The following CRYBG1 variants were observed in gnomAD, a reference collection of about 807,000 sequenced individuals.
CRYBG1 encodes crystallin beta-gamma domain containing 1.
Under a neutral mutation model 189.2 loss-of-function variants are expected in CRYBG1, and 139 were observed. The observed-to-expected ratio is 0.73, with a 90% CI of 0.64 to 0.85. CRYBG1 has a LOEUF of 0.85. CRYBG1 is among the 40% of genes least tolerant of loss of function. CRYBG1 has a pLI of 0.00. For missense variants in CRYBG1, 2,611 were observed against 2,675.8 expected (o/e 0.98, Z 0.53); for synonymous variants, 1,023 against 1,017.1 (o/e 1.01, Z -0.11).
In CRYBG1 at chr6:106,512,488, C is replaced by T. The variant is rs1486751757; in HGVS notation, c.1371C>T (p.Ala457=). ...VFDDEVAPNA[A]SDNASAEKKV... ...ACGACGAGGTGGCGCCAAACGCGGC[C>T]AGCGATAACGCCTCGGCGGAAAAGA... Residue 457 remains alanine (A), a synonymous_variant, in exon 3 of 22, where the codon GCC becomes GCT. Coordinates refer to ENST00000633556, the MANE Select transcript of CRYBG1 (RefSeq NM_001371242.2). The T allele has an allele frequency of 5.0e-6, 8 of 1,611,452 alleles. No homozygotes were observed. The Admixed American group carries it at 1.3e-4, about 27-fold the overall frequency.
chr6:106,455,981 T>G (rs1313406998), intron 2 of CRYBG1, among the ~76,000 whole-genome samples: 2 of 152,062 alleles, frequency 1.3e-5, no homozygotes, highest in Non-Finnish European at 2.9e-5. Flanking sequence ...AAGTCACTTG[T>G]CTGAATCTTA....
At chr6:106,406,684 A>T (rs765105118) in intron 1 of CRYBG1, among the ~76,000 whole-genome samples, 2 of 152,242 alleles carry the variant, frequency 1.3e-5, no homozygotes, top group African/African-American at 4.8e-5. Flanking sequence ...CTAACAGTGG[A>T]TCTCTCTGCA....
rs113042181 is a variant in CRYBG1, at chr6:106,488,277, C to T, written c.313-23153C>T. On this transcript the variant is annotated intron_variant, in intron 2 of 21. Transcript: ENST00000633556. ...CTATCTGTCAGGTCTGGGTCAGATG[C>T]GTATAGGTTAGGCAGCTGAGTGGGC... is the stretch of plus-strand genomic sequence containing the variant. 2.8e-3 allele frequency among the ~76,000 whole-genome samples: 429 copies of T among 152,224 alleles called. 2 individuals are homozygous for T. Among genetic ancestry groups the T allele is most frequent in the African/African-American group, 9.3e-3 (385 of 41,526 alleles).
At chr6:106,518,771 G>T (rs973766155) in intron 3 of CRYBG1, among the ~76,000 whole-genome samples, 2 of 152,072 alleles carry the variant, frequency 1.3e-5, no homozygotes, top group Non-Finnish European at 2.9e-5. Flanking sequence ...CAGCCTGGGT[G>T]ACATAGACCC....
intron 15 of CRYBG1, 52 bp downstream of exon 15, chr6:106,552,268 A>G (rs767304775): frequency 8.0e-7 from 1 of 1,254,492 alleles, no homozygotes; most frequent in Non-Finnish European, 1.1e-6. Context: ...CTTCCATTGA[A>G]AAGCTGAACT....
At chr6:106,510,649 C>G (rs1187999590) in intron 2 of CRYBG1, among the ~76,000 whole-genome samples, 2 of 152,340 alleles carry the variant, frequency 1.3e-5, no homozygotes, top group Non-Finnish European at 2.9e-5. Flanking sequence ...TTCAGCCACA[C>G]CTCCTCGGCT....
intron 1 of CRYBG1, among the ~76,000 whole-genome samples, chr6:106,424,160 A>T (rs1771182762): frequency 6.6e-6 from 1 of 152,192 alleles, no homozygotes; most frequent in Non-Finnish European, 1.5e-5. Flanking sequence ...TATACATAAT[A>T]ATTGGTTTAT....
chr6:106,556,824 A>T (rs1774560449), intron 17 of CRYBG1, among the ~76,000 whole-genome samples: 1 of 152,222 alleles, frequency 6.6e-6, no homozygotes, highest in Non-Finnish European at 1.5e-5. Context: ...TGCTACTGAG[A>T]CATGAAAATA....
intron 2 of CRYBG1, among the ~76,000 whole-genome samples, chr6:106,483,391 G>GTATATATATATATATATAT (rs1772513172): frequency 9.9e-6 from 1 of 100,970 alleles, no homozygotes; most frequent in Admixed American, 1.1e-4. Context: ...TATATATATA[G>GTATATATATATATATATAT]ATATATATAT....
chr6:106,544,693 T>G lies in CRYBG1; in HGVS notation c.5162T>G (p.Leu1721Ter). The change falls in exon 12 of 22, where the codon TTA (leucine) becomes TGA (stop). Residue 1721 changes from leucine (L) to a stop codon, truncating the protein, a stop_gained. Coordinates refer to ENST00000633556, the MANE Select transcript of CRYBG1 (RefSeq NM_001371242.2). LOFTEE classifies it high-confidence loss of function. ...GAGCTTCAGTCTTTACGACCTATAT[T>G]AGGTGTAAGTAAAGGACAAGCTAAT... The part of the protein sequence containing the change: ...NGELQSLRPI[L>*]GDFSNAHMIM... The G allele has an allele frequency of 6.2e-7, 1 of 1,613,438 alleles. No individual in the cohort carries two copies. The highest frequency in any genetic ancestry group is 8.5e-7 in the Non-Finnish European group (1 of 1,179,776).
chr6:106,563,873 C>T lies in CRYBG1; in HGVS notation c.6248C>T (p.Ser2083Phe). 6.2e-7 allele frequency: 1 copy of T among 1,613,532 alleles called. No homozygotes were observed. Among genetic ancestry groups the T allele is most frequent in the East Asian group, 2.2e-5 (1 of 44,862 alleles). The change falls in exon 21 of 22, where the codon TCC (serine) becomes TTC (phenylalanine). Residue 2083 changes from serine to phenylalanine, a missense_variant. This residue lies in a region of CRYBG1 where 1,622 missense variants were observed against 1,735.0 expected (regional missense o/e 0.93). Transcript: ENST00000633556. ...NADSQFWSLKSDGRIYSKLKP... is the reference protein window; with the variant it reads ...NADSQFWSLKFDGRIYSKLKP... ...GACAGCCAGTTCTGGAGCTTGAAGT[C>T]CGATGGCAGGATTTACAGCAAGTTG...
At chr6:106,434,757 C>T (rs1771424433) in intron 1 of CRYBG1, among the ~76,000 whole-genome samples, 1 of 152,214 alleles carries the variant, frequency 6.6e-6, no homozygotes, top group Non-Finnish European at 1.5e-5. Context: ...TTTACAAAAA[C>T]AGGTGGTGTG....
At chr6:106,490,573 A>G (rs932021394) in intron 2 of CRYBG1, among the ~76,000 whole-genome samples, 2 of 152,212 alleles carry the variant, frequency 1.3e-5, no homozygotes, top group Non-Finnish European at 2.9e-5. Context: ...AAATATGTTT[A>G]TATGAATTTT....
chr6:106,487,595 T>G (rs1196438729), intron 2 of CRYBG1, among the ~76,000 whole-genome samples: 1 of 152,212 alleles, frequency 6.6e-6, no homozygotes, highest in Non-Finnish European at 1.5e-5. Flanking sequence ...AAGCCACGTT[T>G]ACTGTATTTT....
chr6:106,380,366 A>G (rs1227952756), intron 1 of CRYBG1, among the ~76,000 whole-genome samples: 1 of 152,172 alleles, frequency 6.6e-6, no homozygotes, highest in Admixed American at 6.5e-5. Flanking sequence ...CAGGGCTTGG[A>G]TGTGGGACAG....
Position 106,525,199 on chromosome 6 carries a change from T to G in CRYBG1, c.4293+19T>G, listed in dbSNP as rs372699442. On this transcript the variant is annotated intron_variant, in intron 5 of 21. Transcript: ENST00000633556. The stretch of plus-strand genomic sequence containing the variant: ...TGGAAAGGTAAGATTATTTTCTGTT[T>G]CTAGTCTTGATTCTATTTTGGTCTG... The G allele has an allele frequency of 2.5e-6, 4 of 1,614,000 alleles. No individual in the cohort carries two copies. The African/African-American group carries it at 5.3e-5, about 22-fold the overall frequency.
intron 2 of CRYBG1, among the ~76,000 whole-genome samples, chr6:106,489,695 G>T (rs1193254087): frequency 2.1e-5 from 2 of 93,388 alleles, no homozygotes; most frequent in East Asian, 5.9e-4. Flanking sequence ...GGGGGCGGTA[G>T]TATGCACCTG....
In CRYBG1 at chr6:106,462,202, G is replaced by A. The variant is rs533764130; in HGVS notation, c.312+10370G>A. Among the ~76,000 whole-genome samples the A allele has an allele frequency of 3.3e-5, 5 of 151,990 alleles. No individual in the cohort carries two copies. In the South Asian group the frequency reaches 1.0e-3, roughly 32 times the overall value. On this transcript the variant is annotated intron_variant, in intron 2 of 21. Coordinates refer to ENST00000633556, the MANE Select transcript of CRYBG1 (RefSeq NM_001371242.2). ...TTGTTTTGTTTTGAGACGGAGTCTCGCTCTGTCGCCCAGGCTGGAGTGCAG... is the reference window on the plus strand; with the variant it reads ...TTGTTTTGTTTTGAGACGGAGTCTCACTCTGTCGCCCAGGCTGGAGTGCAG...
intron 21 of CRYBG1, among the ~76,000 whole-genome samples, chr6:106,566,499 T>C (rs1774893111): frequency 9.4e-6 from 1 of 106,864 alleles, no homozygotes; most frequent in African/African-American, 3.8e-5. Flanking sequence ...TGAGACGGAG[T>C]CTCACTCTGT....
Sources: gnomAD v4.1 joint callset for allele counts (sites outside exome capture counted in the v4.1 genomes callset) on GRCh38, gnomAD v4.1.1 for gene constraint, gnomAD v4.1.1 regional missense constraint, MANE v1.5 for transcripts, NCBI Gene and HGNC (gene_info 2026-07-23, HGNC 2026-07-21) for gene names.